DTX3: variants seen among roughly 807,000 people sequenced by gnomAD.
DTX3 encodes the protein E3 ubiquitin-protein ligase DTX3.
A neutral mutation model predicts 27.4 loss-of-function variants in DTX3; 10 were observed. That is an observed-to-expected ratio of 0.36 (90% confidence interval 0.22 to 0.62). The LOEUF is 0.62. Ranked by LOEUF, DTX3 falls within the 20% of genes least tolerant of loss-of-function variation. The probability of loss-of-function intolerance (pLI) is 0.68; values close to 1 mark genes in which losing one functional copy is unlikely to be tolerated. For missense variants in DTX3, 319 were observed against 463.8 expected (o/e 0.69, Z 2.87); for synonymous variants, 171 against 190.7 (o/e 0.90, Z 0.85).
rs982809157 is a variant in DTX3 at position 57,608,656 on chromosome 12, C to T, written c.887C>T (p.Thr296Met). Residue 296 changes from threonine to methionine, a missense_variant, in exon 6 of 7, where the codon ACG (threonine) becomes ATG (methionine). Transcript: ENST00000337737. The surrounding 1 kb of genome is among the most constrained non-coding windows in gnomAD (Gnocchi z 6.1). ...CAGCGTCTCACCTTCACTATCGGCA[C>T]GTCCATGACCACAGGGAGACCGAAT... ...FDQRLTFTIG[T>M]SMTTGRPNVI... The T allele has an allele frequency of 6.2e-7, 1 of 1,614,208 alleles. No homozygotes were observed. The highest frequency in any genetic ancestry group is 8.5e-7 in the Non-Finnish European group (1 of 1,180,028).
Position 57,606,961 on chromosome 12 carries a change from C to A in DTX3, c.98C>A (p.Thr33Asn), listed in dbSNP as rs1235322039. The change falls in exon 5 of 7, where the codon ACC becomes AAC. Residue 33 changes from threonine (T) to asparagine (N), a missense_variant. Transcript: ENST00000337737. ...KPVWDFLSKE[T>N]PARLARLREE... The stretch of plus-strand genomic sequence containing the variant: ...GTGTGGGACTTCCTGAGCAAAGAGA[C>A]CCCAGCCCGGCTGGCCCGGCTTCGG... The A allele has an allele frequency of 1.2e-6, 2 of 1,614,116 alleles. No homozygotes were observed. Among genetic ancestry groups the A allele is most frequent in the Admixed American group, 1.7e-5 (1 of 60,014 alleles).
chr12:57,605,073 A>G (rs904888374), intron 1 of DTX3: 14 of 152,326 alleles, frequency 9.2e-5, no homozygotes, highest in African/African-American at 3.4e-4. Context: ...TCGGGCCGAC[A>G]TGCACCCCCA....
At position 57,609,327 on chromosome 12, in the gene DTX3, G is replaced by A. The variant is rs1883912783; in HGVS notation, c.*175G>A. On this transcript the variant is annotated 3_prime_UTR_variant, in exon 7 of 7. Coordinates refer to ENST00000337737, the MANE Select transcript of DTX3 (RefSeq NM_178502.4). ...CCTTCCCCCATCCCCCACTGGCCAA[G>A]TGTTTCAATGCAGTGTGAGCCACTC... is the stretch of plus-strand genomic sequence containing the variant. 9.5e-6 allele frequency: 6 copies of A among 633,170 alleles called. No homozygotes were observed. The Admixed American group carries it at 1.3e-4, about 14-fold the overall frequency. 39.2% of individuals were successfully genotyped at this position (633,170 alleles called of 1,614,324 possible).
Position 57,607,340 on chromosome 12 carries a change from G to A in DTX3, c.477G>A (p.Glu159=), listed in dbSNP as rs1883786228. The A allele has an allele frequency of 6.2e-7, 1 of 1,610,074 alleles. No individual in the cohort carries two copies. Residue 159 remains glutamate, a synonymous_variant, in exon 5 of 7, where the codon GAG becomes GAA. Coordinates refer to ENST00000337737, the MANE Select transcript of DTX3 (RefSeq NM_178502.4). The surrounding 1 kb of genome is among the most constrained non-coding windows in gnomAD (Gnocchi z 7.7). ...LPPRLREEAE[E]QESTCPICLG... ...CTCGCCTTCGGGAGGAGGCAGAAGA[G>A]CAGGAGAGCACCTGCCCCATCTGTC...
chr12:57,607,630 C>G lies in DTX3; in HGVS notation c.750+17C>G, dbSNP rs1178312358. On this transcript the variant is annotated intron_variant, in intron 5 of 6. Transcript: ENST00000337737. This position sits in a 1 kb window ranked among gnomAD's most constrained non-coding sequence, Gnocchi z 7.7. The stretch of plus-strand genomic sequence containing the variant: ...GTCCAGGGGGTAAGAAGACCATGGC[C>G]TGCCCTTACCCTTTGGCTTTCCCCA... The G allele has an allele frequency of 6.2e-7, 1 of 1,613,910 alleles. No homozygotes were observed. The highest frequency in any genetic ancestry group is 1.1e-5 in the South Asian group (1 of 91,066).
In DTX3 at chr12:57,606,467, C is replaced by A. The variant is rs770128654; in HGVS notation, c.-51C>A. ...GGTCACACGACCTACAAGTAGGGAG[C>A]AGGGAAAGAAGAGTGAGCCTGCATG... On this transcript the variant is annotated 5_prime_UTR_variant, in exon 4 of 7. Transcript: ENST00000337737. The A allele has an allele frequency of 8.7e-6, 14 of 1,613,090 alleles. No individual in the cohort carries two copies. The Admixed American group carries it at 2.3e-4, about 27-fold the overall frequency.
intron 4 of DTX3, 43 bp downstream of exon 4, chr12:57,606,561 C>T (rs1594950279): frequency 6.2e-7 from 1 of 1,609,058 alleles, no homozygotes; most frequent in Non-Finnish European, 8.5e-7. Flanking sequence ...CCCCTTTAAA[C>T]AGCCCATTTT....
rs767484065 is a variant in DTX3 at position 57,607,219 on chromosome 12, G to A, written c.356G>A (p.Arg119His). 38 of 1,610,302 alleles carry A rather than the reference G, an allele frequency of 2.4e-5. No homozygotes were observed. The highest frequency in any genetic ancestry group is 3.3e-5 in the Admixed American group (2 of 59,874). The part of the protein sequence containing the change: ...GGGGEHPEMH[R>H]AGPPPLRAAP... ...GGAGGGGAGCACCCTGAGATGCACC[G>A]CGCAGGCCCACCCCCTCTCCGAGCA... The change falls in exon 5 of 7, where the codon CGC (arginine) becomes CAC (histidine). Residue 119 changes from arginine to histidine, a missense_variant. Physicochemically the swap from Arg to His is conservative, Grantham distance 29. Around this residue, in one of 2 missense-constraint regions of DTX3, gnomAD observed 202 missense variants for 205.3 expected, o/e 0.98. Transcript: ENST00000337737. This position sits in a 1 kb window ranked among gnomAD's most constrained non-coding sequence, Gnocchi z 7.7.
In DTX3 at chr12:57,608,893, C is replaced by A; in HGVS notation, c.968+156C>A. On this transcript the variant is annotated intron_variant, in intron 6 of 6. Coordinates refer to ENST00000337737, the MANE Select transcript of DTX3 (RefSeq NM_178502.4). The surrounding 1 kb of genome is among the most constrained non-coding windows in gnomAD (Gnocchi z 6.1). ...CAGTTTCTCCTACATTCAACCTGGTCCTGGTGTGCCCAGCTTAGCCTACAA... is the reference window on the plus strand; with the variant it reads ...CAGTTTCTCCTACATTCAACCTGGTACTGGTGTGCCCAGCTTAGCCTACAA... The A allele has an allele frequency of 9.3e-7, 1 of 1,079,388 alleles. No individual in the cohort carries two copies. Among genetic ancestry groups the A allele is most frequent in the Non-Finnish European group, 1.4e-6 (1 of 719,290 alleles). 66.9% of individuals were successfully genotyped at this position (1,079,388 alleles called of 1,614,324 possible). A position where few individuals can be genotyped will look rare whatever the true frequency, so the allele number is the denominator to read the frequency against.
Position 57,607,320 on chromosome 12 carries a change from CT to C in DTX3, c.459del (p.Arg154GlyfsTer42). 1 of 1,601,738 alleles carries C rather than the reference CT, an allele frequency of 6.2e-7. No homozygotes were observed. The highest frequency in any genetic ancestry group is 8.5e-7 in the Non-Finnish European group (1 of 1,173,948). On this transcript the variant is annotated frameshift_variant, in exon 5 of 7. Coordinates refer to ENST00000337737, the MANE Select transcript of DTX3 (RefSeq NM_178502.4). LOFTEE classifies it high-confidence loss of function. The surrounding 1 kb of genome is among the most constrained non-coding windows in gnomAD (Gnocchi z 7.7). ...PPLPPPLPPR[L>X]REEAEEQEST... is the part of the protein sequence containing the mutation. ...CCTGCCCCCACCTCTTCCTCCTCGC[CT>C]TCGGGAGGAGGCAGAAGAGCAGGAG...
At position 57,607,731 on chromosome 12, in the gene DTX3, G is replaced by A; in HGVS notation, c.750+118G>A. The A allele has an allele frequency of 1.4e-6, 2 of 1,390,546 alleles. No individual in the cohort carries two copies. Among genetic ancestry groups the A allele is most frequent in the South Asian group, 2.6e-5 (2 of 77,460 alleles). The allele number at this position is 1,390,546 out of a possible 1,614,324, so 86.1% of individuals were successfully genotyped here. A position where few individuals can be genotyped will look rare whatever the true frequency, so the allele number is the denominator to read the frequency against. ...AGACAGTCTTGCTGTCTTCCACTGT[G>A]CCCTCCTACTCAGTGCCCTGGACCT... On this transcript the variant is annotated intron_variant, in intron 5 of 6. Transcript: ENST00000337737. The surrounding 1 kb of genome is among the most constrained non-coding windows in gnomAD (Gnocchi z 7.7).
At position 57,609,070 on chromosome 12, in the gene DTX3, C is replaced by A. The variant is rs760324992; in HGVS notation, c.969-7C>A. 1.2e-6 allele frequency: 2 copies of A among 1,613,750 alleles called. No individual in the cohort carries two copies. The highest frequency in any genetic ancestry group is 2.2e-5 in the South Asian group (2 of 91,034). ...CAACCCTCACCCTCATTTCTCTTTG[C>A]TCCCAGGTTTGGGTACCCAGACCCC... On this transcript the variant is annotated splice_region_variant and splice_polypyrimidine_tract_variant and intron_variant, in intron 6 of 6. Coordinates refer to ENST00000337737, the MANE Select transcript of DTX3 (RefSeq NM_178502.4).
At chr12:57,609,044 A>G (rs1031287009) in intron 6 of DTX3, 33 bp from the exon 7 acceptor site, 4 of 1,602,182 alleles carry the variant, frequency 2.5e-6, no homozygotes, top group Non-Finnish European at 3.4e-6. Context: ...CAAACAGCTA[A>G]CAACCCTCAC....
rs1314707378 is a variant in DTX3 at position 57,607,473 on chromosome 12, C to T, written c.610C>T (p.Arg204Cys). 5 of 1,614,174 alleles carry T rather than the reference C, an allele frequency of 3.1e-6. No homozygotes were observed. Among genetic ancestry groups the T allele is most frequent in the Non-Finnish European group, 4.2e-6 (5 of 1,180,024 alleles). Residue 204 changes from arginine (R) to cysteine (C), a missense_variant, in exon 5 of 7, where the codon CGC (arginine) becomes TGC (cysteine). Arg to Cys is a radical substitution (Grantham distance 180, BLOSUM62 -3). This residue lies in a region of DTX3 where 117 missense variants were observed against 258.5 expected (regional missense o/e 0.45). Transcript: ENST00000337737. The surrounding 1 kb of genome is among the most constrained non-coding windows in gnomAD (Gnocchi z 7.7). Reference protein sequence around the residue: ...QVKKACPMCGRFYGQLVGNQP... With the variant: ...QVKKACPMCGCFYGQLVGNQP... ...GAAAAAGGCCTGCCCCATGTGCGGC[C>T]GCTTCTATGGGCAGCTGGTGGGCAA...
At position 57,609,478 on chromosome 12, in the gene DTX3, G is replaced by A. The variant is rs1018991388; in HGVS notation, c.*326G>A. On this transcript the variant is annotated 3_prime_UTR_variant, in exon 7 of 7. Coordinates refer to ENST00000337737, the MANE Select transcript of DTX3 (RefSeq NM_178502.4). ...ATGTGCTGTGCTCCACGACCAAGCC[G>A]AGAAAGGACCTAGGGTGGGGAAGGG... 1.1e-5 allele frequency: 3 copies of A among 272,164 alleles called. No homozygotes were observed. The highest frequency in any genetic ancestry group is 4.5e-5 in the Admixed American group (1 of 22,028). The allele number at this position is 272,164 out of a possible 1,614,324, so 16.9% of individuals were successfully genotyped here.
chr12:57,606,792 A>G, intron 4 of DTX3, 73 bp from the exon 5 acceptor site: 1 of 1,524,054 alleles, frequency 6.6e-7, no homozygotes, highest in South Asian at 1.3e-5. Context: ...TTTGGAAGGA[A>G]CCTGAAGTAG....
chr12:57,609,800 CTT>C (rs1883945797), exon 7 of DTX3: 1 of 159,004 alleles, frequency 6.3e-6, no homozygotes, highest in African/African-American at 2.4e-5. Flanking sequence ...ATATGCAACT[CTT>C]TATGCCACAC....
rs560352567 is a variant in DTX3 at position 57,606,914 on chromosome 12, C to A, written c.51C>A (p.Asn17Lys). 3 of 1,614,030 alleles carry A rather than the reference C, an allele frequency of 1.9e-6. No homozygotes were observed. The African/African-American group carries it at 4.0e-5, about 22-fold the overall frequency. Residue 17 changes from asparagine (N) to lysine (K), a missense_variant, in exon 5 of 7, where the codon AAC becomes AAA. This residue lies in a region of DTX3 where 202 missense variants were observed against 205.3 expected (regional missense o/e 0.98). Coordinates refer to ENST00000337737, the MANE Select transcript of DTX3 (RefSeq NM_178502.4). ...CAGCCTGTGGAGGCACCTGCAAGAACAAAGTGACTGTGTCCAAGCCCGTGT... is the reference window on the plus strand; with the variant it reads ...CAGCCTGTGGAGGCACCTGCAAGAAAAAAGTGACTGTGTCCAAGCCCGTGT... ...RMAACGGTCK[N>K]KVTVSKPVWD...
rs1883736160 is a variant in DTX3, at chr12:57,606,682, T to C, written c.1+164T>C. On this transcript the variant is annotated intron_variant, in intron 4 of 6. Transcript: ENST00000337737. ...AATATAGCTCTGGAAACTTTTTTGCTCTTCAGTGGGTTTTGGGTTTGGAAG... is the reference window on the plus strand; with the variant it reads ...AATATAGCTCTGGAAACTTTTTTGCCCTTCAGTGGGTTTTGGGTTTGGAAG... 1.3e-5 allele frequency: 17 copies of C among 1,340,636 alleles called. No homozygotes were observed. The South Asian group carries it at 2.2e-4, about 17-fold the overall frequency. 83.0% of individuals were successfully genotyped at this position (1,340,636 alleles called of 1,614,324 possible). A position where few individuals can be genotyped will look rare whatever the true frequency, so the allele number is the denominator to read the frequency against.
Sources: gnomAD v4.1 joint callset for allele counts on GRCh38, gnomAD v4.1.1 for gene constraint, gnomAD v4.1.1 regional missense constraint, Gnocchi (gnomAD v3.1) non-coding constraint, MANE v1.5 for transcripts, NCBI Gene and HGNC (gene_info 2026-07-23, HGNC 2026-07-21) for gene names.